The following CCBE1 variants were observed in gnomAD, a reference collection of about 807,000 sequenced individuals.
CCBE1 encodes collagen and calcium-binding EGF domain-containing protein 1.
Under a neutral mutation model 50.0 loss-of-function variants are expected in CCBE1, and 37 were observed. The observed-to-expected ratio is 0.74, with a 90% CI of 0.57 to 0.97. The LOEUF (loss-of-function observed/expected upper bound fraction) is 0.97, where lower values mean the gene tolerates loss of function less well. Ranked by LOEUF, CCBE1 falls within the 50% of genes least tolerant of loss-of-function variation. The probability of loss-of-function intolerance (pLI) is 0.00; values close to 1 mark genes in which losing one functional copy is unlikely to be tolerated. For missense variants in CCBE1, 538 were observed against 523.8 expected (o/e 1.03, Z -0.26); for synonymous variants, 234 against 203.7 (o/e 1.15, Z -1.27).
chr18:59,573,396 C>T (rs1465317944), intron 2 of CCBE1, among the ~76,000 whole-genome samples: 3 of 150,856 alleles, frequency 2.0e-5, no homozygotes, highest in African/African-American at 7.3e-5. Context: ...CAGACGGCAA[C>T]ACAAAATCTG....
intron 2 of CCBE1, among the ~76,000 whole-genome samples, chr18:59,628,285 A>G (rs2053812384): frequency 6.6e-6 from 1 of 152,214 alleles, no homozygotes; most frequent in Non-Finnish European, 1.5e-5. Context: ...TAAATATTAC[A>G]CAAGGATCCA....
chr18:59,691,978 T>G (rs1463082313), intron 2 of CCBE1, among the ~76,000 whole-genome samples: 1 of 152,214 alleles, frequency 6.6e-6, no homozygotes, highest in African/African-American at 2.4e-5. Flanking sequence ...CTGGCTCTTA[T>G]GGTCATGAGT....
At chr18:59,612,264 G>A (rs913577986) in intron 2 of CCBE1, among the ~76,000 whole-genome samples, 6 of 141,168 alleles carry the variant, frequency 4.3e-5, no homozygotes, top group African/African-American at 1.3e-4. Context: ...TGCACGTTGT[G>A]CACATGTACC....
chr18:59,681,368 C>T (rs1311146254), intron 2 of CCBE1, among the ~76,000 whole-genome samples: 1 of 152,128 alleles, frequency 6.6e-6, no homozygotes, highest in African/African-American at 2.4e-5. Flanking sequence ...CATACTAAGT[C>T]CAGTATGTTA....
intron 2 of CCBE1, among the ~76,000 whole-genome samples, chr18:59,495,467 C>T (rs1913309091): frequency 6.7e-6 from 1 of 150,354 alleles, no homozygotes; most frequent in African/African-American, 2.5e-5. Flanking sequence ...GTTCAGACAG[C>T]CAGTTTGTTG....
At chr18:59,436,925 T>C (rs759871561) in intron 10 of CCBE1, among the ~76,000 whole-genome samples, 11 of 152,166 alleles carry the variant, frequency 7.2e-5, no homozygotes, top group East Asian at 1.9e-4. Context: ...TGAGCCAAGA[T>C]TGTGCCACTG....
rs145235217 is a variant in CCBE1 at position 59,683,232 on chromosome 18, CT to C, written c.212+13396del. On this transcript the variant is annotated intron_variant, in intron 2 of 10. Coordinates refer to ENST00000439986, the MANE Select transcript of CCBE1 (RefSeq NM_133459.4). ...TTAGATATGCTCCTAGTGCTCTGAGCTTCACAAGACAAACGCAGACATCACC... is the reference window on the plus strand; with the variant it reads ...TTAGATATGCTCCTAGTGCTCTGAGCTCACAAGACAAACGCAGACATCACC... Among the ~76,000 whole-genome samples, 1,348 of 152,298 alleles carry C rather than the reference CT, an allele frequency of 8.9e-3. 18 individuals carry two copies. The highest frequency in any genetic ancestry group is 0.031 in the African/African-American group (1,281 of 41,566).
rs1909980299 is a variant in CCBE1 at position 59,432,553 on chromosome 18, A to C, written c.*3355T>G. On this transcript the variant is annotated 3_prime_UTR_variant, in exon 11 of 11. Transcript: ENST00000439986. The stretch of plus-strand genomic sequence containing the variant: ...ACATTAGAAATAATGATGCCTTATG[A>C]TGTCCTATCTTTGAAAAATATGATT... 6.6e-6 allele frequency: 1 copy of C among 152,206 alleles called. No homozygotes were observed. Among genetic ancestry groups the C allele is most frequent in the Admixed American group, 6.5e-5 (1 of 15,272 alleles). The allele number at this position is 152,206 out of a possible 1,614,324, so 9.4% of individuals were successfully genotyped here.
At chr18:59,602,819 G>T (rs1049353230) in intron 2 of CCBE1, among the ~76,000 whole-genome samples, 1 of 152,186 alleles carries the variant, frequency 6.6e-6, no homozygotes, top group African/African-American at 2.4e-5. Context: ...GCTGCTATGC[G>T]CTCTGACAAA....
At chr18:59,680,786 G>T (rs1035473149) in intron 2 of CCBE1, among the ~76,000 whole-genome samples, 3 of 152,144 alleles carry the variant, frequency 2.0e-5, no homozygotes, top group African/African-American at 4.8e-5. Context: ...CATCCATCAG[G>T]TTACAAACCC....
At chr18:59,500,305 T>C (rs951419341) in intron 2 of CCBE1, among the ~76,000 whole-genome samples, 1 of 152,206 alleles carries the variant, frequency 6.6e-6, no homozygotes, top group African/African-American at 2.4e-5. Flanking sequence ...AATAAAACTC[T>C]TCATGATCCT....
intron 2 of CCBE1, among the ~76,000 whole-genome samples, chr18:59,630,351 G>A (rs1288509838): frequency 2.6e-5 from 4 of 152,208 alleles, no homozygotes; most frequent in East Asian, 1.9e-4. Context: ...CATAGTCAAG[G>A]TAATTAGAAA....
chr18:59,625,915 C>T lies in CCBE1; in HGVS notation c.212+70714G>A, dbSNP rs988587346. ...CTATGAGGAACAGGCTCTCAGACAC[C>T]GCACCTGCCCACACCTTTATCTTGG... On this transcript the variant is annotated intron_variant, in intron 2 of 10. Transcript: ENST00000439986. 6.6e-5 allele frequency among the ~76,000 whole-genome samples: 10 copies of T among 152,096 alleles called. No individual in the cohort carries two copies. The East Asian group carries it at 9.6e-4, about 15-fold the overall frequency.
intron 2 of CCBE1, among the ~76,000 whole-genome samples, chr18:59,573,155 C>T (rs1257718207): frequency 1.3e-5 from 2 of 150,922 alleles, no homozygotes; most frequent in African/African-American, 2.4e-5. Flanking sequence ...TAAGGTGGTG[C>T]GCACCTGTAA....
chr18:59,586,547 C>A (rs963641927), intron 2 of CCBE1, among the ~76,000 whole-genome samples: 1 of 152,102 alleles, frequency 6.6e-6, no homozygotes, highest in Non-Finnish European at 1.5e-5. Flanking sequence ...CTAAAATATC[C>A]CTTCATCAAA....
chr18:59,473,335 C>T lies in CCBE1; in HGVS notation c.266-3728G>A, dbSNP rs180941444. Reference sequence around the variant, plus strand: ...TTTTCAATGCTGCTGCAGGGAAGTCCTGTGAGATTCAAACTCTTGAGCTTT... The same window carrying T: ...TTTTCAATGCTGCTGCAGGGAAGTCTTGTGAGATTCAAACTCTTGAGCTTT... On this transcript the variant is annotated intron_variant, in intron 3 of 10. Coordinates refer to ENST00000439986, the MANE Select transcript of CCBE1 (RefSeq NM_133459.4). 2.9e-3 allele frequency among the ~76,000 whole-genome samples: 437 copies of T among 152,282 alleles called. 1 individual carries two copies. The highest frequency in any genetic ancestry group is 4.7e-3 in the Non-Finnish European group (320 of 68,012).
intron 6 of CCBE1, among the ~76,000 whole-genome samples, chr18:59,448,975 T>C (rs1910807628): frequency 6.6e-6 from 1 of 151,876 alleles, no homozygotes; most frequent in South Asian, 2.1e-4. Flanking sequence ...AGGAAAGGAG[T>C]GAACCTCTTC....
intron 2 of CCBE1, among the ~76,000 whole-genome samples, chr18:59,525,577 C>G (rs1226915167): frequency 6.6e-6 from 1 of 152,192 alleles, no homozygotes; most frequent in African/African-American, 2.4e-5. Flanking sequence ...TTTTGCTGTG[C>G]AGAAACTCCT....
At chr18:59,553,851 T>C (rs1916016116) in intron 2 of CCBE1, among the ~76,000 whole-genome samples, 1 of 152,240 alleles carries the variant, frequency 6.6e-6, no homozygotes, top group Non-Finnish European at 1.5e-5. Flanking sequence ...CTTTTAGTTC[T>C]GCAAGTGTAA....
Sources: gnomAD v4.1 joint callset for allele counts (sites outside exome capture counted in the v4.1 genomes callset) on GRCh38, gnomAD v4.1.1 for gene constraint, MANE v1.5 for transcripts, NCBI Gene and HGNC (gene_info 2026-07-23, HGNC 2026-07-21) for gene names.